The following GRID1 variants were observed in gnomAD, a reference collection of about 807,000 sequenced individuals.
The protein encoded by GRID1 is glutamate receptor ionotropic, delta-1.
Under a neutral mutation model 98.0 loss-of-function variants are expected in GRID1, and 28 were observed. The ratio of observed to expected loss-of-function variants is 0.29; its 90% CI spans 0.21 to 0.39. The LOEUF is 0.39. Among genes scored for constraint, GRID1 ranks in the 10% least tolerant of loss-of-function variants. GRID1 has a pLI of 1.00. For missense variants in GRID1, 1,111 were observed against 1,340.5 expected, an observed-to-expected ratio of 0.83 and a Z score of 2.67; for synonymous variants, 553 against 538.5, an observed-to-expected ratio of 1.03 and a Z score of -0.37.
chr10:86,090,654 C>G (rs1479194964), intron 4 of GRID1, among the ~76,000 whole-genome samples: 1 of 152,094 alleles, frequency 6.6e-6, no homozygotes, highest in African/African-American at 2.4e-5. Flanking sequence ...GGAGGCAGGT[C>G]AAGACTGCAG....
intron 4 of GRID1, among the ~76,000 whole-genome samples, chr10:85,992,485 T>C (rs1478524699): frequency 2.0e-5 from 3 of 151,802 alleles, no homozygotes; most frequent in African/African-American, 7.3e-5. Flanking sequence ...TGTGAAAACA[T>C]GTGGGGTTGG....
intron 2 of GRID1, among the ~76,000 whole-genome samples, chr10:86,228,955 C>A (rs749595669): frequency 6.6e-6 from 1 of 152,190 alleles, no homozygotes. Flanking sequence ...TCTAAATGCT[C>A]CACTTGCTCA....
chr10:85,696,645 T>C (rs1341818162), intron 12 of GRID1, among the ~76,000 whole-genome samples: 1 of 152,064 alleles, frequency 6.6e-6, no homozygotes, highest in Non-Finnish European at 1.5e-5. Flanking sequence ...TAATTTTCGA[T>C]GTTATTATAT....
chr10:85,775,452 T>G (rs1030903651), intron 8 of GRID1, among the ~76,000 whole-genome samples: 4 of 151,998 alleles, frequency 2.6e-5, no homozygotes, highest in Admixed American at 6.6e-5. Flanking sequence ...ATTGTGCACA[T>G]GTACCCTAAA....
rs554297566 is a variant in GRID1 at position 85,600,703 on chromosome 10, C to T, written c.*1570G>A. On this transcript the variant is annotated 3_prime_UTR_variant, in exon 16 of 16. Coordinates refer to ENST00000327946, the MANE Select transcript of GRID1 (RefSeq NM_017551.3). ...GAACTGAAGTGACACAACTCAGATT[C>T]CCCCAGTTCCACTCCTAATGGTTCT... 6.6e-6 allele frequency: 1 copy of T among 152,334 alleles called. No homozygotes were observed. The highest frequency in any genetic ancestry group is 1.5e-5 in the Non-Finnish European group (1 of 68,060). The allele number at this position is 152,334 out of a possible 1,614,324, so 9.4% of individuals were successfully genotyped here.
chr10:86,065,680 G>A (rs1397453865), intron 4 of GRID1, among the ~76,000 whole-genome samples: 1 of 152,242 alleles, frequency 6.6e-6, no homozygotes, highest in Admixed American at 6.5e-5. Context: ...TTCACTTGGT[G>A]ATTATTTATA....
In GRID1 at chr10:85,724,351, C is replaced by A. The variant is rs776684502; in HGVS notation, c.1858+1G>T. On this transcript the variant is annotated splice_donor_variant, in intron 11 of 15. Coordinates refer to ENST00000327946, the MANE Select transcript of GRID1 (RefSeq NM_017551.3). LOFTEE classifies it high-confidence loss of function. Reference sequence around the variant, plus strand: ...CAATGATCAGGAAACCAGAAAGGTACCTTGCTGTACGAAGGCTCCATAGAC... The same window carrying A: ...CAATGATCAGGAAACCAGAAAGGTAACTTGCTGTACGAAGGCTCCATAGAC... The A allele has an allele frequency of 6.2e-7, 1 of 1,609,846 alleles. No individual in the cohort carries two copies. The highest frequency in any genetic ancestry group is 8.5e-7 in the Non-Finnish European group (1 of 1,176,590).
At chr10:85,705,675 T>A (rs1185420661) in intron 12 of GRID1, among the ~76,000 whole-genome samples, 1 of 152,184 alleles carries the variant, frequency 6.6e-6, no homozygotes, top group Non-Finnish European at 1.5e-5. Flanking sequence ...TTTAGACCAA[T>A]ATCCCTGATG....
At chr10:86,343,918 C>T (rs1848345967) in intron 2 of GRID1, among the ~76,000 whole-genome samples, 1 of 152,258 alleles carries the variant, frequency 6.6e-6, no homozygotes, top group Admixed American at 6.5e-5. Context: ...AGCACCCCCA[C>T]TAGCCAATCA....
chr10:86,199,500 C>T (rs1845918776), intron 3 of GRID1, among the ~76,000 whole-genome samples: 1 of 152,114 alleles, frequency 6.6e-6, no homozygotes, highest in African/African-American at 2.4e-5. Flanking sequence ...AGCTGTGGAC[C>T]CTTTGGGAAC....
Position 85,818,756 on chromosome 10 carries a change from C to T in GRID1, c.1233+35740G>A, listed in dbSNP as rs575799875. On this transcript the variant is annotated intron_variant, in intron 8 of 15. Transcript: ENST00000327946. ...TTTTTTTGACAGAGTCTCATTTTGT[C>T]GCCCAGGCTGGAGTGCAGTGGCACA... Among the ~76,000 whole-genome samples, 5 of 151,550 alleles carry T rather than the reference C, an allele frequency of 3.3e-5. No individual in the cohort carries two copies. In the East Asian group the frequency reaches 5.8e-4, roughly 18 times the overall value.
chr10:86,210,099 A>T (rs1846086747), intron 2 of GRID1, among the ~76,000 whole-genome samples: 1 of 152,138 alleles, frequency 6.6e-6, no homozygotes, highest in South Asian at 2.1e-4. Context: ...ACTGGAGGAG[A>T]GAGAAAGGAA....
At chr10:85,806,395 C>A (rs985151772) in intron 8 of GRID1, among the ~76,000 whole-genome samples, 1 of 152,026 alleles carries the variant, frequency 6.6e-6, no homozygotes, top group African/African-American at 2.4e-5. Context: ...GAAAACAGTT[C>A]AGCAATTTCT....
intron 12 of GRID1, among the ~76,000 whole-genome samples, chr10:85,676,270 AC>A (rs985773907): frequency 4.0e-5 from 6 of 151,770 alleles, no homozygotes; most frequent in Non-Finnish European, 8.8e-5. Context: ...CCTGGAGATG[AC>A]CCCCATCTTA....
chr10:85,699,265 G>A (rs1841426696), intron 12 of GRID1, among the ~76,000 whole-genome samples: 1 of 152,010 alleles, frequency 6.6e-6, no homozygotes, highest in Non-Finnish European at 1.5e-5. Context: ...GTTGGCCAGG[G>A]CTGGTCTCGA....
intron 13 of GRID1, among the ~76,000 whole-genome samples, chr10:85,639,142 G>T (rs537421148): frequency 1.4e-4 from 21 of 152,194 alleles, no homozygotes; most frequent in Non-Finnish European, 2.4e-4. Context: ...TCATATTTAT[G>T]GTAGCCCTGA....
chr10:86,130,046 C>T (rs1001615124), intron 4 of GRID1, among the ~76,000 whole-genome samples: 1 of 152,264 alleles, frequency 6.6e-6, no homozygotes, highest in African/African-American at 2.4e-5. Flanking sequence ...AGGCTCATCA[C>T]CCCAGCTTAC....
intron 15 of GRID1, among the ~76,000 whole-genome samples, chr10:85,603,693 T>G (rs1461710773): frequency 6.6e-6 from 1 of 152,170 alleles, no homozygotes; most frequent in Non-Finnish European, 1.5e-5. Context: ...AGGAGCCATA[T>G]GAGCTTCCCG....
intron 4 of GRID1, among the ~76,000 whole-genome samples, chr10:86,130,250 G>A (rs1275277764): frequency 1.3e-5 from 2 of 152,244 alleles, no homozygotes; most frequent in East Asian, 1.9e-4. Context: ...GGGACTGGCA[G>A]CTCAAGCACA....
Sources: allele counts gnomAD v4.1 joint callset (sites outside exome capture counted in the v4.1 genomes callset), GRCh38; gene constraint gnomAD v4.1.1; transcripts MANE v1.5; gene names NCBI Gene and HGNC (gene_info 2026-07-23, HGNC 2026-07-21).